Variants in ELOVL7 observed in about 807,000 individuals in gnomAD.
The protein encoded by ELOVL7 is ELOVL fatty acid elongase 7.
In ELOVL7, 27 loss-of-function variants were observed where a neutral mutation model predicts 35.7. That is an observed-to-expected ratio of 0.76 (90% confidence interval 0.56 to 1.04). The LOEUF (loss-of-function observed/expected upper bound fraction) is 1.04, where lower values mean the gene tolerates loss of function less well. Among genes scored for constraint, ELOVL7 ranks in the 50% least tolerant of loss-of-function variants. The pLI, the probability that ELOVL7 is intolerant of heterozygous loss-of-function variation, is 0.00. For synonymous variants in ELOVL7, 113 were observed against 114.6 expected (o/e 0.99, Z 0.09); for missense variants, 327 against 340.8 (o/e 0.96, Z 0.32).
rs781629199 is a variant in ELOVL7, at chr5:60,764,330, G to T, written c.396C>A (p.Ile132=). 7 of 1,602,228 alleles carry T rather than the reference G, an allele frequency of 4.4e-6. No individual in the cohort carries two copies. The highest frequency in any genetic ancestry group is 6.0e-6 in the Non-Finnish European group (7 of 1,169,580). The change falls in exon 7 of 9, where the codon ATC becomes ATA. Residue 132 remains isoleucine (I), a splice_region_variant and synonymous_variant. Transcript: ENST00000508821. ...TATTTTTCTTGCGCAGAACAAAAAA[G>T]ATCTGAAATAATTTAAAGAATATCA... The part of the protein sequence containing the change: ...FSKFIELLDT[I]FFVLRKKNSQ...
chr5:60,785,659 T>C (rs1743530614), intron 3 of ELOVL7, among the ~76,000 whole-genome samples: 1 of 152,308 alleles, frequency 6.6e-6, no homozygotes, highest in Non-Finnish European at 1.5e-5. Context: ...ATACTGACTT[T>C]ATGAGAACTA....
chr5:60,833,195 A>G (rs1746588783), intron 1 of ELOVL7, among the ~76,000 whole-genome samples: 1 of 152,228 alleles, frequency 6.6e-6, no homozygotes, highest in Non-Finnish European at 1.5e-5. Context: ...ATTGGGCTCT[A>G]GTTGGGAGAA....
intron 2 of ELOVL7, among the ~76,000 whole-genome samples, chr5:60,795,168 T>A (rs1744172598): frequency 5.3e-5 from 8 of 152,072 alleles, no homozygotes; most frequent in Admixed American, 5.2e-4. Flanking sequence ...AGTCCAGATG[T>A]GAGTCAGAAT....
chr5:60,839,297 A>T (rs1425786950), intron 1 of ELOVL7, among the ~76,000 whole-genome samples: 2 of 152,146 alleles, frequency 1.3e-5, no homozygotes, highest in Non-Finnish European at 2.9e-5. Context: ...CAGTGAGGCA[A>T]GATCGCACAA....
intron 3 of ELOVL7, among the ~76,000 whole-genome samples, chr5:60,776,301 C>G (rs1264875190): frequency 6.6e-6 from 1 of 152,126 alleles, no homozygotes; most frequent in African/African-American, 2.4e-5. Flanking sequence ...TTAGTTCAGC[C>G]ATTGTGGAAA....
chr5:60,774,790 A>G (rs1579805238), intron 3 of ELOVL7, among the ~76,000 whole-genome samples: 1 of 137,344 alleles, frequency 7.3e-6, no homozygotes, highest in African/African-American at 2.8e-5. Context: ...TTTGAGACGG[A>G]GTCTTGCTCT....
chr5:60,778,848 A>G (rs991866197), intron 3 of ELOVL7, among the ~76,000 whole-genome samples: 1 of 152,232 alleles, frequency 6.6e-6, no homozygotes, highest in African/African-American at 2.4e-5. Flanking sequence ...AGACAAGGCA[A>G]GTCCCTTCTG....
At chr5:60,830,778 A>G (rs1373952230) in intron 1 of ELOVL7, among the ~76,000 whole-genome samples, 1 of 151,810 alleles carries the variant, frequency 6.6e-6, no homozygotes, top group African/African-American at 2.4e-5. Context: ...CAATTCTAGA[A>G]CTCTTCATCT....
chr5:60,759,610 T>TC (rs1035894454), intron 7 of ELOVL7, among the ~76,000 whole-genome samples: 1 of 150,052 alleles, frequency 6.7e-6, no homozygotes, highest in Non-Finnish European at 1.5e-5. Context: ...CCTATTTTCT[T>TC]TTTTTTTTTA....
At chr5:60,796,673 A>C (rs1004450306) in intron 2 of ELOVL7, among the ~76,000 whole-genome samples, 18 of 152,264 alleles carry the variant, frequency 1.2e-4, no homozygotes, top group African/African-American at 4.1e-4. Flanking sequence ...AGTCATCAAA[A>C]CAATTTTTGA....
At chr5:60,834,498 C>T (rs1746672166) in intron 1 of ELOVL7, among the ~76,000 whole-genome samples, 1 of 152,042 alleles carries the variant, frequency 6.6e-6, no homozygotes, top group Admixed American at 6.6e-5. Flanking sequence ...TTAATGAAAG[C>T]CCAATTTAAA....
intron 3 of ELOVL7, among the ~76,000 whole-genome samples, chr5:60,782,982 T>C (rs1743354247): frequency 6.6e-6 from 1 of 152,238 alleles, no homozygotes; most frequent in African/African-American, 2.4e-5. Context: ...GATATGCTAT[T>C]TGGATTGATT....
chr5:60,792,555 T>C (rs1744001701), intron 2 of ELOVL7, among the ~76,000 whole-genome samples: 1 of 152,176 alleles, frequency 6.6e-6, no homozygotes, highest in Non-Finnish European at 1.5e-5. Context: ...ACTTGATTGC[T>C]AGACAATGGG....
Position 60,752,109 on chromosome 5 carries a change from T to A in ELOVL7, c.*2515A>T, listed in dbSNP as rs1741312444. On this transcript the variant is annotated 3_prime_UTR_variant, in exon 9 of 9. Transcript: ENST00000508821. ...GGTAAGCAAACCCAAACAAATTAAG[T>A]CCTGAAAAGTGGGATGAAATCCCAA... The A allele has an allele frequency of 1.3e-5, 2 of 152,186 alleles. No homozygotes were observed. The highest frequency in any genetic ancestry group is 4.8e-5 in the African/African-American group (2 of 41,452). The allele number at this position is 152,186 out of a possible 1,614,324, so 9.4% of individuals were successfully genotyped here.
chr5:60,768,462 A>G (rs1424138128), intron 4 of ELOVL7, among the ~76,000 whole-genome samples: 1 of 152,218 alleles, frequency 6.6e-6, no homozygotes, highest in Non-Finnish European at 1.5e-5. Flanking sequence ...AGATATTATT[A>G]ATAGTTTTAC....
At chr5:60,806,084 G>T (rs1052568822) in intron 1 of ELOVL7, among the ~76,000 whole-genome samples, 3 of 152,058 alleles carry the variant, frequency 2.0e-5, no homozygotes, top group Non-Finnish European at 1.5e-5. Flanking sequence ...TATGACTGGG[G>T]TCTTTATAAA....
At chr5:60,815,098 C>T (rs979346387) in intron 1 of ELOVL7, among the ~76,000 whole-genome samples, 1 of 152,180 alleles carries the variant, frequency 6.6e-6, no homozygotes, top group Non-Finnish European at 1.5e-5. Flanking sequence ...CAAGCTAATG[C>T]ATAATGAACT....
chr5:60,800,220 G>C, intron 1 of ELOVL7, among the ~76,000 whole-genome samples: 1 of 151,894 alleles, frequency 6.6e-6, no homozygotes, highest in East Asian at 1.9e-4. Context: ...GAACATACTG[G>C]CAAAAATCCT....
intron 1 of ELOVL7, among the ~76,000 whole-genome samples, chr5:60,804,041 T>C (rs1394998651): frequency 6.6e-6 from 1 of 152,198 alleles, no homozygotes; most frequent in Non-Finnish European, 1.5e-5. Context: ...TTCAGTATAA[T>C]CATGACTCTT....
Sources: gnomAD v4.1 joint callset for allele counts (sites outside exome capture counted in the v4.1 genomes callset) on GRCh38, gnomAD v4.1.1 for gene constraint, MANE v1.5 for transcripts, NCBI Gene and HGNC (gene_info 2026-07-23, HGNC 2026-07-21) for gene names.